ZNF608: variants seen among roughly 807,000 people sequenced by gnomAD.
ZNF608 encodes renal carcinoma antigen NY-REN-36.
ZNF608 carries 12 observed loss-of-function variants against 109.0 expected under a neutral mutation model. That is an observed-to-expected ratio of 0.11 (90% CI 0.07 to 0.18). ZNF608 has a LOEUF of 0.18. Among genes scored for constraint, ZNF608 ranks in the 10% least tolerant of loss-of-function variants. ZNF608 has a pLI of 1.00. For synonymous variants in ZNF608, 732 were observed against 717.4 expected (o/e 1.02, Z -0.33); for missense variants, 1,707 against 1,879.3 (o/e 0.91, Z 1.70).
Position 124,637,537 on chromosome 5 carries a change from T to C in ZNF608, c.*363A>G, listed in dbSNP as rs1750031664. On this transcript the variant is annotated 3_prime_UTR_variant, in exon 10 of 10. Transcript: ENST00000513986. ...AAAGGAAAAGAAAGTAAGTAGCCTT[T>C]TGTGGCTAACACTTTTTAACATGAC... is the stretch of plus-strand genomic sequence containing the variant. The C allele has an allele frequency of 6.5e-6, 1 of 153,224 alleles. No individual in the cohort carries two copies. The highest frequency in any genetic ancestry group is 2.4e-5 in the African/African-American group (1 of 41,466). The allele number at this position is 153,224 out of a possible 1,614,324, so 9.5% of individuals were successfully genotyped here.
At chr5:124,723,508 T>C (rs1194560490) in intron 2 of ZNF608, among the ~76,000 whole-genome samples, 1 of 152,016 alleles carries the variant, frequency 6.6e-6, no homozygotes, top group Admixed American at 6.6e-5. Context: ...GCCAACATGG[T>C]GAAACCCCAT....
rs1481286479 is a variant in ZNF608 at position 124,746,337 on chromosome 5, A to T, written c.-326T>A. 1.0e-6 allele frequency: 1 copy of T among 985,298 alleles called. No individual in the cohort carries two copies. Among genetic ancestry groups the T allele is most frequent in the Non-Finnish European group, 1.2e-6 (1 of 829,938 alleles). The allele number at this position is 985,298 out of a possible 1,614,324, so 61.0% of individuals were successfully genotyped here. On this transcript the variant is annotated 5_prime_UTR_variant, in exon 1 of 10. Coordinates refer to ENST00000513986, the MANE Select transcript of ZNF608 (RefSeq NM_020747.3). ...AAACCAAATAACACATCTCAGCCAG[A>T]ATAATCACTCGATAACATTATTCCA...
intron 2 of ZNF608, among the ~76,000 whole-genome samples, chr5:124,720,342 C>A (rs1170225959): frequency 6.6e-6 from 1 of 152,108 alleles, no homozygotes; most frequent in Non-Finnish European, 1.5e-5. Flanking sequence ...TATAATATAT[C>A]TGACTATGAG....
chr5:124,725,391 A>G (rs962701073), intron 2 of ZNF608, among the ~76,000 whole-genome samples: 3 of 152,066 alleles, frequency 2.0e-5, no homozygotes, highest in African/African-American at 4.8e-5. Flanking sequence ...TATAATAGAC[A>G]TTCAAAAAAA....
chr5:124,701,638 T>C (rs1314169321), intron 2 of ZNF608, among the ~76,000 whole-genome samples: 1 of 152,174 alleles, frequency 6.6e-6, no homozygotes, highest in East Asian at 1.9e-4. Flanking sequence ...TTATAACAGT[T>C]TCTAAAGGAG....
In ZNF608 at chr5:124,721,941, CAAAAAAAAAAAAAAAA is replaced by C. The variant is rs199699487; in HGVS notation, c.907-20688_907-20673del. 3.7e-3 allele frequency among the ~76,000 whole-genome samples: 76 copies of C among 20,818 alleles called. 2 individuals are homozygous for C. Among genetic ancestry groups the C allele is most frequent in the Admixed American group, 0.011 (19 of 1,802 alleles). The allele number at this position is 20,818 out of a possible 152,430, so 13.7% of individuals were successfully genotyped here. ...TGGGCGACAGAATGAGACTCTGTCTCAAAAAAAAAAAAAAAAAAAAAAAAAAAAAAAGAACTCAAAG... is the reference window on the plus strand; with the variant it reads ...TGGGCGACAGAATGAGACTCTGTCTCAAAAAAAAAAAAAAAGAACTCAAAG... On this transcript the variant is annotated intron_variant, in intron 2 of 9. Coordinates refer to ENST00000513986, the MANE Select transcript of ZNF608 (RefSeq NM_020747.3).
At chr5:124,705,717 A>G (rs149834984) in intron 2 of ZNF608, among the ~76,000 whole-genome samples, 31 of 152,298 alleles carry the variant, frequency 2.0e-4, no homozygotes, top group African/African-American at 7.0e-4. Context: ...TCTTTCATAC[A>G]CTGACATCTG....
intron 3 of ZNF608, among the ~76,000 whole-genome samples, chr5:124,680,918 T>C (rs1458178561): frequency 1.3e-5 from 2 of 151,908 alleles, no homozygotes; most frequent in African/African-American, 2.4e-5. Flanking sequence ...AAAGATAAAT[T>C]TGAAAAACTC....
intron 3 of ZNF608, among the ~76,000 whole-genome samples, chr5:124,659,773 C>T (rs2149801814): frequency 6.6e-6 from 1 of 152,226 alleles, no homozygotes; most frequent in South Asian, 2.1e-4. Flanking sequence ...TCTTACCATC[C>T]CCAGTCCTTG....
At chr5:124,645,879 C>G (rs374927173) in intron 5 of ZNF608, among the ~76,000 whole-genome samples, 1 of 151,902 alleles carries the variant, frequency 6.6e-6, no homozygotes, top group African/African-American at 2.4e-5. Context: ...GAAATTTGGG[C>G]CCCAAATTCT....
At chr5:124,671,641 C>CTTTTT (rs66998925) in intron 3 of ZNF608, among the ~76,000 whole-genome samples, 11 of 129,756 alleles carry the variant, frequency 8.5e-5, no homozygotes, top group African/African-American at 2.9e-4. Flanking sequence ...TGGGGCTTCT[C>CTTTTT]TTTTTTTTTT....
chr5:124,726,662 TAA>T (rs142658513), intron 2 of ZNF608, among the ~76,000 whole-genome samples: 49,657 of 135,274 alleles, frequency 0.37, 9,336 homozygotes, highest in Middle Eastern at 0.5. Flanking sequence ...AAGATTTGTT[TAA>T]AAAAAAAAAA....
chr5:124,645,432 T>C (rs1750453142), intron 5 of ZNF608, among the ~76,000 whole-genome samples: 1 of 152,112 alleles, frequency 6.6e-6, no homozygotes. Context: ...ATCCCATTCA[T>C]GATATAAACC....
chr5:124,648,062 AGTT>A lies in ZNF608; in HGVS notation c.2319_2321del (p.Thr774del), dbSNP rs750968484. The A allele has an allele frequency of 1.1e-5, 17 of 1,588,050 alleles. No individual in the cohort carries two copies. The highest frequency in any genetic ancestry group is 1.4e-5 in the Non-Finnish European group (16 of 1,164,748). Reference sequence around the variant, plus strand: ...GACTCTTTGGTGTAGCCTGAACAACAGTTGTTGTGAGGGAGGGCAGTCCGGGTA... The same window carrying A: ...GACTCTTTGGTGTAGCCTGAACAACAGTTGTGAGGGAGGGCAGTCCGGGTA... On this transcript the variant is annotated inframe_deletion, in exon 5 of 10. Transcript: ENST00000513986.
intron 3 of ZNF608, among the ~76,000 whole-genome samples, chr5:124,696,687 A>G (rs888181609): frequency 1.3e-5 from 2 of 152,204 alleles, no homozygotes; most frequent in Non-Finnish European, 2.9e-5. Flanking sequence ...TCATCAGCAC[A>G]GTGATTAAAC....
intron 3 of ZNF608, among the ~76,000 whole-genome samples, chr5:124,679,283 G>A (rs775472846): frequency 2.6e-5 from 4 of 152,086 alleles, no homozygotes; most frequent in Non-Finnish European, 4.4e-5. Flanking sequence ...GGGAGGGAGC[G>A]GGGACAGAAG....
intron 3 of ZNF608, among the ~76,000 whole-genome samples, chr5:124,682,083 CT>C (rs995104664): frequency 1.3e-5 from 2 of 152,144 alleles, no homozygotes; most frequent in African/African-American, 4.8e-5. Context: ...CTTTTCTTTT[CT>C]TTTTTGAGAT....
chr5:124,670,867 A>C (rs1193348941), intron 3 of ZNF608, among the ~76,000 whole-genome samples: 2 of 152,194 alleles, frequency 1.3e-5, no homozygotes, highest in East Asian at 3.8e-4. Context: ...GCTTTCAGTG[A>C]ATCAATTTTC....
chr5:124,737,925 A>G (rs1038196565), intron 2 of ZNF608, among the ~76,000 whole-genome samples: 1 of 152,228 alleles, frequency 6.6e-6, no homozygotes, highest in South Asian at 2.1e-4. Context: ...GGGAGCAAGT[A>G]GTCACTAGTG....
Sources: gnomAD v4.1 joint callset for allele counts (sites outside exome capture counted in the v4.1 genomes callset) on GRCh38, gnomAD v4.1.1 for gene constraint, MANE v1.5 for transcripts, NCBI Gene and HGNC (gene_info 2026-07-23, HGNC 2026-07-21) for gene names.